ABCC4: variants seen among roughly 807,000 people sequenced by gnomAD.
ABCC4 encodes the protein ATP-binding cassette sub-family C member 4.
ABCC4 carries 102 observed loss-of-function variants against 168.5 expected under a neutral mutation model. The observed-to-expected ratio is 0.61, with a 90% confidence interval of 0.52 to 0.71. The LOEUF (loss-of-function observed/expected upper bound fraction) is 0.71, where lower values mean the gene tolerates loss of function less well. Ranked by LOEUF, ABCC4 falls within the 30% of genes least tolerant of loss-of-function variation. ABCC4 has a pLI of 0.00. For synonymous variants in ABCC4, 617 were observed against 590.7 expected (o/e 1.04, Z -0.65); for missense variants, 1,402 against 1,605.8 (o/e 0.87, Z 2.17).
chr13:95,192,814 G>A (rs189069952), intron 9 of ABCC4, among the ~76,000 whole-genome samples: 10 of 152,278 alleles, frequency 6.6e-5, no homozygotes, highest in East Asian at 1.9e-4. Context: ...AGCTACTCAC[G>A]AGGTTGAGGC....
intron 1 of ABCC4, among the ~76,000 whole-genome samples, chr13:95,291,062 T>C (rs769032668): frequency 7.0e-4 from 106 of 150,538 alleles, no homozygotes; most frequent in Non-Finnish European, 1.4e-3. Flanking sequence ...GGTTTCTGAA[T>C]GACTGCCCAG....
chr13:95,283,489 C>A (rs1489545117), intron 1 of ABCC4, among the ~76,000 whole-genome samples: 4 of 151,482 alleles, frequency 2.6e-5, no homozygotes, highest in African/African-American at 9.7e-5. Flanking sequence ...CCCATCTCAG[C>A]CTCCCAAGCA....
At chr13:95,174,632 C>A (rs189524289) in intron 13 of ABCC4, among the ~76,000 whole-genome samples, 1 of 152,312 alleles carries the variant, frequency 6.6e-6, no homozygotes, top group African/African-American at 2.4e-5. Context: ...TTGTGCGATA[C>A]GCACACTGAT....
Position 95,071,706 on chromosome 13 carries a change from G to T in ABCC4, c.3166C>A (p.Leu1056Met). 2 of 1,550,856 alleles carry T rather than the reference G, an allele frequency of 1.3e-6. No homozygotes were observed. The highest frequency in any genetic ancestry group is 1.7e-6 in the Non-Finnish European group (2 of 1,152,054). Reference sequence around the variant, plus strand: ...AGTGCTGTCAGATGCTTCAGTACCAGAGGCCCACCTGGACTGTACATGAAG... The same window carrying T: ...AGTGCTGTCAGATGCTTCAGTACCATAGGCCCACCTGGACTGTACATGAAG... Reference protein sequence around the residue: ...VNFMYSPGGPLVLKHLTALIK... With the variant: ...VNFMYSPGGPMVLKHLTALIK... Residue 1056 changes from leucine to methionine, a missense_variant, in exon 25 of 31, where the codon CTG (leucine) becomes ATG (methionine). This residue lies in a region of ABCC4 where 1,007 missense variants were observed against 1,127.3 expected (regional missense o/e 0.89). Coordinates refer to ENST00000645237, the MANE Select transcript of ABCC4 (RefSeq NM_005845.5).
chr13:95,055,468 A>G (rs1386239141), intron 26 of ABCC4: 2 of 152,254 alleles, frequency 1.3e-5, no homozygotes, highest in Non-Finnish European at 2.9e-5. Context: ...ATTATTTTAA[A>G]TGAAGCACCA....
chr13:95,238,488 G>A (rs2039840941), intron 3 of ABCC4, among the ~76,000 whole-genome samples: 1 of 152,110 alleles, frequency 6.6e-6, no homozygotes, highest in African/African-American at 2.4e-5. Flanking sequence ...AGAAACCAAT[G>A]CCTGTACACA....
At chr13:95,283,820 C>T (rs2041190614) in intron 1 of ABCC4, among the ~76,000 whole-genome samples, 1 of 150,854 alleles carries the variant, frequency 6.6e-6, no homozygotes, top group Admixed American at 6.6e-5. Flanking sequence ...ATCACTTGAA[C>T]CCAGGAGGCA....
intron 1 of ABCC4, among the ~76,000 whole-genome samples, chr13:95,282,136 T>TAA (rs34577420): frequency 6.6e-4 from 92 of 139,760 alleles, no homozygotes; most frequent in Middle Eastern, 7.3e-3. Flanking sequence ...GACTCCATCT[T>TAA]AAAAAAAAAA....
chr13:95,058,432 G>A, intron 26 of ABCC4, among the ~76,000 whole-genome samples: 1 of 151,614 alleles, frequency 6.6e-6, no homozygotes, highest in Admixed American at 6.6e-5. Flanking sequence ...AGCTGGGTGT[G>A]GTGGCACGCA....
intron 21 of ABCC4, among the ~76,000 whole-genome samples, chr13:95,076,910 C>T (rs188460102): frequency 1.3e-4 from 20 of 151,882 alleles, no homozygotes; most frequent in East Asian, 9.8e-4. Flanking sequence ...GACATGCACA[C>T]CACCGTGCCT....
chr13:95,165,942 C>T (rs748721495), intron 15 of ABCC4, among the ~76,000 whole-genome samples: 4 of 152,188 alleles, frequency 2.6e-5, no homozygotes, highest in Non-Finnish European at 5.9e-5. Flanking sequence ...CTACTCACCT[C>T]CTTGACATTC....
At chr13:95,280,045 G>A (rs1448609322) in intron 1 of ABCC4, among the ~76,000 whole-genome samples, 2 of 152,092 alleles carry the variant, frequency 1.3e-5, no homozygotes, top group African/African-American at 4.8e-5. Context: ...CAACAGCTTT[G>A]TCCCTGCGAC....
intron 9 of ABCC4, among the ~76,000 whole-genome samples, chr13:95,194,588 C>T (rs1006422557): frequency 6.6e-6 from 1 of 152,148 alleles, no homozygotes; most frequent in Non-Finnish European, 1.5e-5. Flanking sequence ...TAGTTTAGAA[C>T]GAGGTAACAC....
intron 4 of ABCC4, among the ~76,000 whole-genome samples, chr13:95,213,998 A>G (rs1389652656): frequency 6.6e-6 from 1 of 152,216 alleles, no homozygotes; most frequent in African/African-American, 2.4e-5. Context: ...ATTAGTAAAC[A>G]ACAACTATGA....
chr13:95,269,434 A>AAAT (rs1443330728), intron 1 of ABCC4: 2 of 119,140 alleles, frequency 1.7e-5, no homozygotes, highest in African/African-American at 5.5e-5. Context: ...TCAAAAAAAA[A>AAAT]ATATATATAT....
At chr13:95,103,747 C>T (rs2034896765) in intron 20 of ABCC4, among the ~76,000 whole-genome samples, 1 of 152,202 alleles carries the variant, frequency 6.6e-6, no homozygotes, top group African/African-American at 2.4e-5. Context: ...TCCCATTCCT[C>T]TCCATATCCT....
Position 95,053,170 on chromosome 13 carries a change from G to T in ABCC4, c.3381C>A (p.Phe1127Leu). 1 of 1,614,004 alleles carries T rather than the reference G, an allele frequency of 6.2e-7. No homozygotes were observed. Among genetic ancestry groups the T allele is most frequent in the Non-Finnish European group, 8.5e-7 (1 of 1,179,962 alleles). ...MSIIPQEPVL[F>L]TGTMRKNLDP... ...CCAGGTTTTTCCTCATTGTTCCAGT[G>T]AACAAAACAGGTTCCTAAGTGCCCA... Residue 1127 changes from phenylalanine (F) to leucine (L), a missense_variant, in exon 27 of 31, where the codon TTC becomes TTA. Around this residue, in one of 3 missense-constraint regions of ABCC4, gnomAD observed 1,007 missense variants for 1,127.3 expected, o/e 0.89. Coordinates refer to ENST00000645237, the MANE Select transcript of ABCC4 (RefSeq NM_005845.5).
chr13:95,163,422 G>A (rs1444281896), intron 17 of ABCC4, among the ~76,000 whole-genome samples, 188 bp downstream of exon 17: 2 of 152,032 alleles, frequency 1.3e-5, no homozygotes, highest in Non-Finnish European at 2.9e-5. Context: ...ACATGATGCC[G>A]CGGATCAGAC....
chr13:95,129,528 T>C (rs2035890224), intron 19 of ABCC4, among the ~76,000 whole-genome samples: 1 of 152,224 alleles, frequency 6.6e-6, no homozygotes, highest in South Asian at 2.1e-4. Flanking sequence ...TATTTGATGA[T>C]ATTCAATTTG....
Sources: allele counts gnomAD v4.1 joint callset (sites outside exome capture counted in the v4.1 genomes callset), GRCh38; gene constraint gnomAD v4.1.1; regional missense constraint gnomAD v4.1.1; transcripts MANE v1.5; gene names NCBI Gene and HGNC (gene_info 2026-07-23, HGNC 2026-07-21).